MFSD11: variants seen among roughly 807,000 people sequenced by gnomAD.
MFSD11 encodes the protein UNC93-like protein MFSD11.
MFSD11 carries 36 observed loss-of-function variants against 53.5 expected under a neutral mutation model. The observed-to-expected ratio is 0.67, with a 90% CI of 0.52 to 0.89. MFSD11 has a LOEUF of 0.89. MFSD11 is among the 40% of genes least tolerant of loss of function. MFSD11 has a pLI of 0.00. For missense variants in MFSD11, 530 were observed against 543.9 expected (o/e 0.97, Z 0.25); for synonymous variants, 186 against 184.9 (o/e 1.01, Z -0.05).
In MFSD11 at chr17:76,778,622, A is replaced by G. The variant is rs2082046460; in HGVS notation, c.*270A>G. ...TTCATCTATCTCAATTCTTATAATCATGTTATAGAATGTAAATGTTTTCTT... is the reference window on the plus strand; with the variant it reads ...TTCATCTATCTCAATTCTTATAATCGTGTTATAGAATGTAAATGTTTTCTT... On this transcript the variant is annotated 3_prime_UTR_variant, in exon 13 of 13. Transcript: ENST00000685175. 5.5e-6 allele frequency: 2 copies of G among 360,662 alleles called. No homozygotes were observed. The highest frequency in any genetic ancestry group is 2.0e-5 in the African/African-American group (1 of 48,846). 22.3% of individuals were successfully genotyped at this position (360,662 alleles called of 1,614,324 possible).
the MFSD11 span, among the ~76,000 whole-genome samples, chr17:76,791,463 A>G: frequency 6.7e-6 from 1 of 148,318 alleles, no homozygotes; most frequent in Non-Finnish European, 1.5e-5. Flanking sequence ...ATCTTTTGGG[A>G]TAATTGTCAC....
chr17:76,746,042 C>T (rs1213908744), intron 7 of MFSD11, among the ~76,000 whole-genome samples: 2 of 152,156 alleles, frequency 1.3e-5, no homozygotes, highest in Non-Finnish European at 2.9e-5. Context: ...AGCTATGCCT[C>T]TTGTGCCAAA....
chr17:76,767,158 T>C (rs1363482779), intron 8 of MFSD11: 3 of 406,826 alleles, frequency 7.4e-6, no homozygotes, highest in Non-Finnish European at 1.3e-5. Flanking sequence ...AGCTGGAAAA[T>C]GTGCTGAGGA....
chr17:76,795,656 ATGT>A, the MFSD11 span, among the ~76,000 whole-genome samples: 5 of 151,946 alleles, frequency 3.3e-5, no homozygotes, highest in Admixed American at 2.6e-4. Context: ...AAGATGAGGG[ATGT>A]TGTAATTTTG....
chr17:76,775,140 G>C lies in MFSD11; in HGVS notation c.1018G>C (p.Gly340Arg), dbSNP rs751765253. The C allele has an allele frequency of 2.5e-6, 4 of 1,613,950 alleles. No homozygotes were observed. The highest frequency in any genetic ancestry group is 1.7e-4 in the Middle Eastern group (1 of 6,056). The change falls in exon 11 of 13, where the codon GGA (glycine) becomes CGA (arginine). Residue 340 changes from glycine (G) to arginine (R), a missense_variant. By Grantham distance (125) the Gly-to-Arg change is moderately radical. Coordinates refer to ENST00000685175, the MANE Select transcript of MFSD11 (RefSeq NM_001242532.5). ...AGATGCCCCGATTGCTCCTGTTAAA[G>C]GAACTGACAGCAGTGCTTACATCAA... ...PGDAPIAPVK[G>R]TDSSAYIKSS... is the part of the protein sequence containing the mutation.
At chr17:76,795,319 CAAAAA>C in the MFSD11 span, among the ~76,000 whole-genome samples, 1 of 116,294 alleles carries the variant, frequency 8.6e-6, no homozygotes, top group African/African-American at 3.3e-5. Context: ...CTGTTTCTAC[CAAAAA>C]AAAAAAAAAA....
intron 8 of MFSD11, among the ~76,000 whole-genome samples, chr17:76,762,398 CA>C (rs1220397531): frequency 1.1e-4 from 17 of 152,122 alleles, no homozygotes; most frequent in African/African-American, 4.1e-4. Context: ...TCTGCTTTGC[CA>C]GTTTGGCTGA....
In MFSD11 at chr17:76,778,342, G is replaced by A. The variant is rs192554610; in HGVS notation, c.1340G>A (p.Arg447Gln). 15 of 1,614,100 alleles carry A rather than the reference G, an allele frequency of 9.3e-6. No homozygotes were observed. Among genetic ancestry groups the A allele is most frequent in the East Asian group, 6.7e-5 (3 of 44,884 alleles). ...AAFVARGSDY[R>Q]SI is the part of the protein sequence containing the mutation. The stretch of plus-strand genomic sequence containing the variant: ...TTTGTAGCCCGCGGCTCTGACTACC[G>A]AAGTATCTGATCTGGTGTCCGTGAG... The change falls in exon 13 of 13, where the codon CGA becomes CAA. Residue 447 changes from arginine to glutamine, a missense_variant. By Grantham distance (43) the Arg-to-Gln change is conservative. Transcript: ENST00000685175.
chr17:76,742,374 G>A (rs2078174211), intron 5 of MFSD11, 101 bp downstream of exon 5: 12 of 917,524 alleles, frequency 1.3e-5, no homozygotes, highest in South Asian at 6.3e-5. Flanking sequence ...TCCATGTTAC[G>A]TGACTTAAGT....
chr17:76,776,051 TC>T lies in MFSD11; in HGVS notation c.1050-354del, dbSNP rs1233269132. ...AGAATGCAAGTGGCGTGATCTCCGCTCACTGCAACCTCCACCTCCGGGGTTC... is the reference window on the plus strand; with the variant it reads ...AGAATGCAAGTGGCGTGATCTCCGCTACTGCAACCTCCACCTCCGGGGTTC... On this transcript the variant is annotated intron_variant, in intron 11 of 12. Coordinates refer to ENST00000685175, the MANE Select transcript of MFSD11 (RefSeq NM_001242532.5). This position sits in a 1 kb window ranked among gnomAD's most constrained non-coding sequence, Gnocchi z 4.2. 9.2e-5 allele frequency among the ~76,000 whole-genome samples: 14 copies of T among 152,338 alleles called. No individual in the cohort carries two copies. The highest frequency in any genetic ancestry group is 3.4e-4 in the African/African-American group (14 of 41,584).
At chr17:76,755,551 G>T (rs1444187463) in intron 8 of MFSD11, among the ~76,000 whole-genome samples, 1 of 151,762 alleles carries the variant, frequency 6.6e-6, no homozygotes, top group Non-Finnish European at 1.5e-5. Context: ...GATCTAATCA[G>T]CCATGGCCTG....
intron 7 of MFSD11, chr17:76,748,078 CTG>C (rs1388083571): frequency 1.8e-5 from 2 of 112,120 alleles, no homozygotes; most frequent in African/African-American, 3.5e-5. Context: ...GTTAGGAAGA[CTG>C]TGAAAGAGGG....
In MFSD11 at chr17:76,738,989, A is replaced by G. The variant is rs1162097152; in HGVS notation, c.148A>G (p.Thr50Ala). The G allele has an allele frequency of 6.2e-7, 1 of 1,612,752 alleles. No homozygotes were observed. The highest frequency in any genetic ancestry group is 2.2e-5 in the East Asian group (1 of 44,884). ...NRTDFHGSGY[T>A]SMAIIYGVFS... ...GACAGATTTTCACGGCAGTGGATAT[A>G]CCAGGTATTGTACCGTATGATTGAT... Residue 50 changes from threonine to alanine, a missense_variant, in exon 2 of 13, where the codon ACC becomes GCC. Thr to Ala is a moderately conservative substitution (Grantham distance 58). Transcript: ENST00000685175.
upstream of MFSD11, chr17:76,736,679 G>C: frequency 8.1e-7 from 1 of 1,239,596 alleles, no homozygotes; most frequent in Non-Finnish European, 1.0e-6. Flanking sequence ...CGCGAGACGC[G>C]GCGTGCACCC....
At chr17:76,793,250 A>T in the MFSD11 span, among the ~76,000 whole-genome samples, 2 of 151,306 alleles carry the variant, frequency 1.3e-5, no homozygotes, top group Non-Finnish European at 2.9e-5. Context: ...GGCTTATTTC[A>T]TCCCTACAGT....
chr17:76,764,536 G>A (rs907315394), intron 8 of MFSD11, among the ~76,000 whole-genome samples: 1 of 152,128 alleles, frequency 6.6e-6, no homozygotes, highest in African/African-American at 2.4e-5. Context: ...ATTTCACTTA[G>A]CGTAATGCTC....
At chr17:76,796,730 T>TG in the MFSD11 span, among the ~76,000 whole-genome samples, 1 of 149,216 alleles carries the variant, frequency 6.7e-6, no homozygotes, top group African/African-American at 2.5e-5. Flanking sequence ...CCCAGCACTT[T>TG]GGAGGCCGAA....
the MFSD11 span, among the ~76,000 whole-genome samples, chr17:76,795,886 C>T: frequency 6.7e-6 from 1 of 149,026 alleles, no homozygotes; most frequent in African/African-American, 2.5e-5. Context: ...AGGATGGTCT[C>T]GATCTCCTGA....
intron 8 of MFSD11, among the ~76,000 whole-genome samples, chr17:76,765,654 G>A (rs1274721969): frequency 2.0e-5 from 3 of 151,654 alleles, no homozygotes; most frequent in Non-Finnish European, 4.4e-5. Context: ...TGTAGAGACA[G>A]GATTTCGCCA....
Sources: gnomAD v4.1 joint callset for allele counts (sites outside exome capture counted in the v4.1 genomes callset) on GRCh38, gnomAD v4.1.1 for gene constraint, Gnocchi (gnomAD v3.1) non-coding constraint, MANE v1.5 for transcripts, NCBI Gene and HGNC (gene_info 2026-07-23, HGNC 2026-07-21) for gene names.